Variants in DCHS1 observed in about 807,000 individuals in gnomAD.
DCHS1 encodes protocadherin-16.
Under a neutral mutation model 213.9 loss-of-function variants are expected in DCHS1, and 78 were observed. The ratio of observed to expected loss-of-function variants is 0.36; its 90% CI spans 0.30 to 0.44. The LOEUF (loss-of-function observed/expected upper bound fraction) is 0.44, where lower values mean the gene tolerates loss of function less well. Ranked by LOEUF, DCHS1 falls within the 20% of genes least tolerant of loss-of-function variation. DCHS1 has a pLI of 1.00. For missense variants in DCHS1, 3,946 were observed against 4,395.9 expected (o/e 0.90, Z 2.89); for synonymous variants, 1,828 against 1,873.7 (o/e 0.98, Z 0.63).
intron 2 of DCHS1, among the ~76,000 whole-genome samples, chr11:6,636,252 C>T (rs1589958810): frequency 6.6e-6 from 1 of 152,176 alleles, no homozygotes; most frequent in East Asian, 1.9e-4. Context: ...CTCTGTTGCC[C>T]AGTCTGGGGT....
intron 1 of DCHS1, among the ~76,000 whole-genome samples, chr11:6,650,588 A>G (rs1408695324): frequency 6.6e-6 from 1 of 152,160 alleles, no homozygotes; most frequent in East Asian, 1.9e-4. Context: ...AAGGAACCTA[A>G]TATGGGGAGG....
chr11:6,637,959 C>A (rs1162141556), intron 2 of DCHS1, among the ~76,000 whole-genome samples: 1 of 152,062 alleles, frequency 6.6e-6, no homozygotes, highest in Non-Finnish European at 1.5e-5. Context: ...TCATTTTTAC[C>A]CCGATTCTCT....
intron 1 of DCHS1, among the ~76,000 whole-genome samples, chr11:6,644,284 T>C (rs1172669722): frequency 6.6e-6 from 1 of 152,228 alleles, no homozygotes; most frequent in African/African-American, 2.4e-5. Context: ...GAACTTCTGA[T>C]CTACAAGATA....
intron 1 of DCHS1, among the ~76,000 whole-genome samples, chr11:6,648,175 G>A (rs1856193628): frequency 6.6e-6 from 1 of 152,220 alleles, no homozygotes; most frequent in African/African-American, 2.4e-5. Flanking sequence ...GGTTGGAGAT[G>A]TGGATTTGGA....
At chr11:6,634,095 C>T in intron 3 of DCHS1, 23 bp downstream of exon 3, 2 of 1,598,506 alleles carry the variant, frequency 1.3e-6, no homozygotes, top group Non-Finnish European at 1.7e-6. Flanking sequence ...ACATCCCAAC[C>T]TGCCCTTGGT....
intron 1 of DCHS1, among the ~76,000 whole-genome samples, chr11:6,645,683 C>T (rs1376791407): frequency 1.3e-5 from 2 of 152,160 alleles, no homozygotes; most frequent in African/African-American, 4.8e-5. Context: ...GGCAGATGCC[C>T]TGTGTGAAAA....
rs150834672 is a variant in DCHS1, at chr11:6,640,121, C to T, written c.1493G>A (p.Arg498Gln). The T allele has an allele frequency of 1.5e-3, 2,385 of 1,613,510 alleles. 4 individuals carry two copies. The highest frequency in any genetic ancestry group is 1.7e-3 in the Non-Finnish European group (2,005 of 1,179,698). The change falls in exon 2 of 21, where the codon CGG becomes CAG. Residue 498 changes from arginine to glutamine, a missense_variant. Coordinates refer to ENST00000299441, the MANE Select transcript of DCHS1 (RefSeq NM_003737.4). The surrounding 1 kb of genome is among the most constrained non-coding windows in gnomAD (Gnocchi z 6.5). ...ACCATTGGTGCCTTGGTCAGGATCC[C>T]GAGCAGTCACCCGCACTACAAAGCT... ...PGSFVVRVTA[R>Q]DPDQGTNGQV...
In DCHS1 at chr11:6,655,589, CG is replaced by C. The variant is rs1195932237; in HGVS notation, c.-148del. 1 of 979,658 alleles carries C rather than the reference CG, an allele frequency of 1.0e-6. No individual in the cohort carries two copies. Among genetic ancestry groups the C allele is most frequent in the East Asian group, 1.2e-4 (1 of 8,584 alleles). The allele number at this position is 979,658 out of a possible 1,614,324, so 60.7% of individuals were successfully genotyped here. On this transcript the variant is annotated 5_prime_UTR_variant, in exon 1 of 21. Coordinates refer to ENST00000299441, the MANE Select transcript of DCHS1 (RefSeq NM_003737.4). ...TCCGCGCGACGCGGGCTCCCTCGCC[CG>C]GTGCTGGGGCGCCGTCCGGCCGCGG... is the stretch of plus-strand genomic sequence containing the variant.
At position 6,630,650 on chromosome 11, in the gene DCHS1, C is replaced by A; in HGVS notation, c.4144G>T (p.Asp1382Tyr). Reference protein sequence around the residue: ...GADPEGTFALDAASGRLYLAR... With the variant: ...GADPEGTFALYAASGRLYLAR... ...AGGTACAAGCGCCCTGAGGCCGCATCCAGCGCGAAGGTGCCCTCGGGATCG... is the reference window on the plus strand; with the variant it reads ...AGGTACAAGCGCCCTGAGGCCGCATACAGCGCGAAGGTGCCCTCGGGATCG... The change falls in exon 10 of 21, where the codon GAT becomes TAT. Residue 1382 changes from aspartate (D) to tyrosine (Y), a missense_variant. This residue lies in a region of DCHS1 where 3,384 missense variants were observed against 3,780.1 expected (regional missense o/e 0.90). Coordinates refer to ENST00000299441, the MANE Select transcript of DCHS1 (RefSeq NM_003737.4). 1 of 1,536,926 alleles carries A rather than the reference C, an allele frequency of 6.5e-7. No homozygotes were observed. Among genetic ancestry groups the A allele is most frequent in the Non-Finnish European group, 8.7e-7 (1 of 1,145,426 alleles).
chr11:6,629,339 C>T (rs1855862710), intron 12 of DCHS1, 113 bp downstream of exon 12: 2 of 1,431,818 alleles, frequency 1.4e-6, no homozygotes, highest in African/African-American at 2.9e-5. Flanking sequence ...ATAACAGGAG[C>T]TTTGTGGTAA....
intron 1 of DCHS1, among the ~76,000 whole-genome samples, chr11:6,646,007 C>T (rs1475281061): frequency 1.3e-5 from 2 of 152,074 alleles, no homozygotes; most frequent in Non-Finnish European, 2.9e-5. Context: ...TATTCCTTCA[C>T]ATGGAACCCA....
intron 8 of DCHS1, 46 bp downstream of exon 8, chr11:6,631,265 G>A (rs1038310516): frequency 6.2e-7 from 1 of 1,613,696 alleles, no homozygotes; most frequent in African/African-American, 1.3e-5. Context: ...GGCAGGCCAT[G>A]AGGGCATGCC....
rs773383828 is a variant in DCHS1, at chr11:6,621,857, C to T, written c.9819G>A (p.Val3273=). The T allele has an allele frequency of 1.2e-6, 2 of 1,611,328 alleles. No homozygotes were observed. The highest frequency in any genetic ancestry group is 1.7e-6 in the Non-Finnish European group (2 of 1,178,836). The part of the protein sequence containing the change: ...ARSPVVSPFG[V]AQGPSASALS... ...GTGCTGAGGCTGAGGGACCCTGGGC[C>T]ACCCCAAATGGTGAGACAACGGGTG... The change falls in exon 21 of 21, where the codon GTG becomes GTA. Residue 3273 remains valine, a synonymous_variant. Transcript: ENST00000299441.
Position 6,627,474 on chromosome 11 carries a change from A to C in DCHS1, c.5565T>G (p.Phe1855Leu), listed in dbSNP as rs751165592. Residue 1855 changes from phenylalanine (F) to leucine (L), a missense_variant, in exon 14 of 21, where the codon TTT becomes TTG. This residue lies in a region of DCHS1 where 3,384 missense variants were observed against 3,780.1 expected (regional missense o/e 0.90). Transcript: ENST00000299441. This position sits in a 1 kb window ranked among gnomAD's most constrained non-coding sequence, Gnocchi z 5.4. ...VLDANDHAPAFPVPAYSVEVP... is the reference protein window; with the variant it reads ...VLDANDHAPALPVPAYSVEVP... The stretch of plus-strand genomic sequence containing the variant: ...CCTCCACCGAGTAGGCAGGCACAGG[A>C]AAGGCTGGAGCATGGTCATTGGCAT... 6.2e-7 allele frequency: 1 copy of C among 1,611,450 alleles called. No homozygotes were observed. Among genetic ancestry groups the C allele is most frequent in the African/African-American group, 1.3e-5 (1 of 74,940 alleles).
chr11:6,654,830 C>T (rs901930900), intron 1 of DCHS1, among the ~76,000 whole-genome samples: 6 of 152,208 alleles, frequency 3.9e-5, no homozygotes, highest in African/African-American at 1.4e-4. Context: ...GCCCGCCACA[C>T]TGAGTTCATT....
At position 6,640,717 on chromosome 11, in the gene DCHS1, G is replaced by A. The variant is rs956355506; in HGVS notation, c.897C>T (p.Ser299=). ...AVTYEINRRQ[S]EGDGPFSIDA... Reference sequence around the variant, plus strand: ...CGATGGAGAAGGGTCCATCACCCTCGCTCTGCCTCCGGTTGATCTCGTAAG... The same window carrying A: ...CGATGGAGAAGGGTCCATCACCCTCACTCTGCCTCCGGTTGATCTCGTAAG... The change falls in exon 2 of 21, where the codon AGC becomes AGT. Residue 299 remains serine (S), a synonymous_variant. Coordinates refer to ENST00000299441, the MANE Select transcript of DCHS1 (RefSeq NM_003737.4). The surrounding 1 kb of genome is among the most constrained non-coding windows in gnomAD (Gnocchi z 6.5). 54 of 1,613,700 alleles carry A rather than the reference G, an allele frequency of 3.3e-5. No individual in the cohort carries two copies. The highest frequency in any genetic ancestry group is 4.0e-5 in the African/African-American group (3 of 74,880).
In DCHS1 at chr11:6,624,844, G is replaced by C. The variant is rs138322204; in HGVS notation, c.7171C>G (p.Pro2391Ala). The change falls in exon 20 of 21, where the codon CCA becomes GCA. Residue 2391 changes from proline to alanine, a missense_variant. Physicochemically the swap from Pro to Ala is conservative, Grantham distance 27 (BLOSUM62 -1). Coordinates refer to ENST00000299441, the MANE Select transcript of DCHS1 (RefSeq NM_003737.4). ...YQVMLLEHTP[P>A]GSAILSVSAT... Reference sequence around the variant, plus strand: ...GAGACGGAGAGAATGGCACTGCCTGGGGGTGTGTGCTCAAGCAGCATTACC... The same window carrying C: ...GAGACGGAGAGAATGGCACTGCCTGCGGGTGTGTGCTCAAGCAGCATTACC... The C allele has an allele frequency of 1.3e-5, 21 of 1,613,762 alleles. No individual in the cohort carries two copies. In the African/African-American group the frequency reaches 2.7e-4, roughly 21 times the overall value.
rs746490919 is a variant in DCHS1, at chr11:6,622,327, T to A, written c.9349A>T (p.Thr3117Ser). ...YREEGPPATA[T>S]AFLGGCGLSP... is the part of the protein sequence containing the mutation. ...AGGCCACAGCCCCCCAGGAAGGCTG[T>A]GGCAGTGGCTGGGGGCCCCTCCTCT... The change falls in exon 21 of 21, where the codon ACA (threonine) becomes TCA (serine). Residue 3117 changes from threonine to serine, a missense_variant. Thr to Ser is a moderately conservative substitution (Grantham distance 58, BLOSUM62 1). This residue lies in a region of DCHS1 where 554 missense variants were observed against 590.2 expected (regional missense o/e 0.94). Transcript: ENST00000299441. This position sits in a 1 kb window ranked among gnomAD's most constrained non-coding sequence, Gnocchi z 5.4. 2 of 1,603,904 alleles carry A rather than the reference T, an allele frequency of 1.2e-6. No homozygotes were observed.
In DCHS1 at chr11:6,624,748, T is replaced by C. The variant is rs766622753; in HGVS notation, c.7267A>G (p.Ser2423Gly). Residue 2423 changes from serine to glycine, a missense_variant, in exon 20 of 21, where the codon AGT (serine) becomes GGT (glycine). Coordinates refer to ENST00000299441, the MANE Select transcript of DCHS1 (RefSeq NM_003737.4). The stretch of plus-strand genomic sequence containing the variant: ...GACGCACCATTGTTGGGGTCAACAC[T>C]GAAGCCATCGGCAGGGGAAGCCAGG... ...YHLASPADGF[S>G]VDPNNGTLFT... 40 of 1,613,928 alleles carry C rather than the reference T, an allele frequency of 2.5e-5. No individual in the cohort carries two copies. In the South Asian group the frequency reaches 4.0e-4, roughly 16 times the overall value.
Sources: allele counts gnomAD v4.1 joint callset (sites outside exome capture counted in the v4.1 genomes callset), GRCh38; gene constraint gnomAD v4.1.1; regional missense constraint gnomAD v4.1.1; non-coding constraint Gnocchi (gnomAD v3.1); transcripts MANE v1.5; gene names NCBI Gene and HGNC (gene_info 2026-07-23, HGNC 2026-07-21).